The following AGBL1 variants were observed in gnomAD, a reference collection of about 807,000 sequenced individuals.
AGBL1 encodes AGBL carboxypeptidase 1.
In AGBL1, 130 loss-of-function variants were observed where a neutral mutation model predicts 118.9. The ratio of observed to expected loss-of-function variants is 1.09; its 90% CI spans 0.95 to 1.26. The LOEUF is 1.26. Ranked by LOEUF, AGBL1 falls within the 50% of genes most tolerant of loss-of-function variation. The pLI, the probability that AGBL1 is intolerant of heterozygous loss-of-function variation, is 0.00. For synonymous variants in AGBL1, 555 were observed against 478.9 expected (o/e 1.16, Z -2.08); for missense variants, 1,584 against 1,298.1 (o/e 1.22, Z -3.38).
intron 22 of AGBL1, among the ~76,000 whole-genome samples, chr15:86,797,158 A>G (rs1159654669): frequency 6.6e-6 from 1 of 152,254 alleles, no homozygotes. Context: ...CACCTTGCCC[A>G]GTGTCAGGCA....
chr15:86,098,325 A>G lies in AGBL1; in HGVS notation c.51+18302A>G, dbSNP rs1207037687. 3.9e-5 allele frequency among the ~76,000 whole-genome samples: 6 copies of G among 151,936 alleles called. No homozygotes were observed. In the East Asian group the frequency reaches 1.2e-3, roughly 29 times the overall value. ...CAGCTTTTTAGTTTACTATAGTCCC[A>G]TTTATCTATTTCTGGTTTTGTTGCC... is the stretch of plus-strand genomic sequence containing the variant. On this transcript the variant is annotated intron_variant, in intron 1 of 22. Coordinates refer to ENST00000614907, the MANE Select transcript of AGBL1 (RefSeq NM_001386094.1).
At chr15:86,227,124 T>A (rs2088329) in intron 6 of AGBL1, among the ~76,000 whole-genome samples, 22,605 of 152,274 alleles carry the variant, frequency 0.15, 2,211 homozygotes, top group South Asian at 0.27. Context: ...ACTGCCCCCT[T>A]CTACCAGAAT....
At chr15:86,906,333 G>A (rs1015376169) in intron 22 of AGBL1, among the ~76,000 whole-genome samples, 1 of 152,190 alleles carries the variant, frequency 6.6e-6, no homozygotes, top group Admixed American at 6.5e-5. Context: ...GTTAATGTTC[G>A]TTCCTACTGC....
intron 24 of AGBL1, among the ~76,000 whole-genome samples, chr15:87,007,301 C>G (rs1596734243): frequency 6.6e-6 from 1 of 152,218 alleles, no homozygotes; most frequent in South Asian, 2.1e-4. Flanking sequence ...TAACAGAATA[C>G]TGGACTCTTA....
intron 1 of AGBL1, among the ~76,000 whole-genome samples, chr15:86,132,302 G>T (rs1215070744): frequency 6.6e-6 from 1 of 152,242 alleles, no homozygotes; most frequent in East Asian, 1.9e-4. Flanking sequence ...GAGCCTCCCT[G>T]TCCTGAATGC....
chr15:86,845,080 A>G (rs1312984998), intron 22 of AGBL1, among the ~76,000 whole-genome samples: 2 of 152,146 alleles, frequency 1.3e-5, no homozygotes, highest in Non-Finnish European at 2.9e-5. Flanking sequence ...GTAGATTTAT[A>G]GTATTAAAAT....
chr15:86,412,849 A>G (rs2081641441), intron 18 of AGBL1, among the ~76,000 whole-genome samples: 1 of 152,186 alleles, frequency 6.6e-6, no homozygotes, highest in Admixed American at 6.6e-5. Context: ...AGCATTTAAC[A>G]CATGCTTGAC....
chr15:86,314,064 C>CTTTAT (rs2079960373), intron 17 of AGBL1, among the ~76,000 whole-genome samples: 1 of 152,172 alleles, frequency 6.6e-6, no homozygotes, highest in Non-Finnish European at 1.5e-5. Flanking sequence ...TTGAGGCTAT[C>CTTTAT]TGAATATATA....
At chr15:86,710,223 G>A (rs991416382) in intron 22 of AGBL1, among the ~76,000 whole-genome samples, 13 of 152,122 alleles carry the variant, frequency 8.5e-5, no homozygotes, top group African/African-American at 3.1e-4. Flanking sequence ...ACAATGCTTT[G>A]GGAAAAATAT....
At chr15:86,536,409 C>T (rs985115998) in intron 19 of AGBL1, among the ~76,000 whole-genome samples, 4 of 152,152 alleles carry the variant, frequency 2.6e-5, no homozygotes, top group Admixed American at 6.5e-5. Context: ...CTCCCGGGTT[C>T]AAGCAATTCT....
chr15:86,096,378 A>G (rs1405737201), intron 1 of AGBL1, among the ~76,000 whole-genome samples: 1 of 152,196 alleles, frequency 6.6e-6, no homozygotes, highest in African/African-American at 2.4e-5. Flanking sequence ...TAAACACTTT[A>G]CTGAGAATAA....
chr15:86,334,563 T>C (rs185096464), intron 17 of AGBL1, among the ~76,000 whole-genome samples: 1 of 152,294 alleles, frequency 6.6e-6, no homozygotes. Context: ...GAAGAATCAA[T>C]TTCAAAATGG....
intron 21 of AGBL1, among the ~76,000 whole-genome samples, chr15:86,555,791 T>C (rs1567055608): frequency 1.3e-5 from 2 of 152,204 alleles, no homozygotes; most frequent in Non-Finnish European, 2.9e-5. Flanking sequence ...GGACTCCTTT[T>C]ATCCTACCGT....
At chr15:86,933,687 T>A (rs1217173606) in intron 23 of AGBL1, among the ~76,000 whole-genome samples, 1 of 152,244 alleles carries the variant, frequency 6.6e-6, no homozygotes, top group East Asian at 1.9e-4. Context: ...TTTATCTGCC[T>A]GCCTGTGTTT....
At chr15:86,953,597 G>A (rs962657938) in intron 23 of AGBL1, among the ~76,000 whole-genome samples, 2 of 151,808 alleles carry the variant, frequency 1.3e-5, no homozygotes, top group African/African-American at 4.8e-5. Context: ...CACCATGTTG[G>A]CCAGGCTGTT....
At chr15:86,682,610 C>T (rs2085980919) in intron 22 of AGBL1, among the ~76,000 whole-genome samples, 1 of 151,990 alleles carries the variant, frequency 6.6e-6, no homozygotes, top group East Asian at 1.9e-4. Flanking sequence ...AGACAATAAA[C>T]ATAACAGAAA....
intron 5 of AGBL1, among the ~76,000 whole-genome samples, chr15:86,209,444 G>C (rs982911828): frequency 6.6e-6 from 1 of 152,042 alleles, no homozygotes; most frequent in South Asian, 2.1e-4. Context: ...TTATTGTGTG[G>C]GAGTCTAAGT....
chr15:86,368,184 T>TGG (rs966371494), intron 17 of AGBL1, among the ~76,000 whole-genome samples: 7 of 151,932 alleles, frequency 4.6e-5, no homozygotes, highest in Non-Finnish European at 8.8e-5. Flanking sequence ...AATATCACCA[T>TGG]GGGTAAAGAG....
intron 21 of AGBL1, among the ~76,000 whole-genome samples, chr15:86,626,455 A>C (rs1487460118): frequency 6.6e-6 from 1 of 152,190 alleles, no homozygotes; most frequent in Non-Finnish European, 1.5e-5. Context: ...GTGGGAGCTA[A>C]ATAGTGAGAG....
Sources: gnomAD v4.1 joint callset for allele counts (sites outside exome capture counted in the v4.1 genomes callset) on GRCh38, gnomAD v4.1.1 for gene constraint, MANE v1.5 for transcripts, NCBI Gene and HGNC (gene_info 2026-07-23, HGNC 2026-07-21) for gene names.